Variants in SORBS2 observed in about 807,000 individuals in gnomAD.
SORBS2 encodes the protein sorbin and SH3 domain-containing protein 2.
Under a neutral mutation model 97.7 loss-of-function variants are expected in SORBS2, and 46 were observed. The observed-to-expected ratio is 0.47, with a 90% confidence interval of 0.37 to 0.60. The LOEUF (loss-of-function observed/expected upper bound fraction) is 0.60, where lower values mean the gene tolerates loss of function less well. SORBS2 is among the 20% of genes least tolerant of loss of function. The pLI is 0.00. For missense variants in SORBS2, 1,316 were observed against 1,282.3 expected, an observed-to-expected ratio of 1.03 and a Z score of -0.40; for synonymous variants, 476 against 473.4, an observed-to-expected ratio of 1.01 and a Z score of -0.07.
chr4:185,878,905 G>T (rs2099235154), intron 1 of SORBS2, among the ~76,000 whole-genome samples: 1 of 152,152 alleles, frequency 6.6e-6, no homozygotes. Flanking sequence ...CCTGTCCCTT[G>T]GTTAGACCAA....
intron 5 of SORBS2, among the ~76,000 whole-genome samples, chr4:185,629,214 C>T (rs1273772343): frequency 6.6e-6 from 1 of 152,124 alleles, no homozygotes. Context: ...GGATGCATCT[C>T]CTAGACCTGT....
chr4:185,868,452 A>G (rs770451134), intron 1 of SORBS2, among the ~76,000 whole-genome samples: 15 of 151,392 alleles, frequency 9.9e-5, no homozygotes, highest in South Asian at 4.1e-4. Flanking sequence ...CACCGTGCCC[A>G]GCCGAAAGCT....
intron 2 of SORBS2, among the ~76,000 whole-genome samples, chr4:185,723,705 C>CT (rs1192844968): frequency 5.3e-5 from 8 of 152,076 alleles, no homozygotes; most frequent in African/African-American, 1.7e-4. Context: ...TGTAATGTTT[C>CT]TTTTTTAAAG....
chr4:185,806,602 C>T (rs11132354), intron 1 of SORBS2, among the ~76,000 whole-genome samples: 71,469 of 148,038 alleles, frequency 0.48, 17,564 homozygotes, highest in East Asian at 0.61. Context: ...GGACTACAGG[C>T]GCCCGCCACT....
intron 4 of SORBS2, chr4:185,676,948 T>G: frequency 6.8e-7 from 1 of 1,480,432 alleles, no homozygotes; most frequent in Non-Finnish European, 9.1e-7. Flanking sequence ...AGTTAGGGTC[T>G]CTACGATACG....
At chr4:185,889,025 C>T (rs1579336827) in intron 1 of SORBS2, among the ~76,000 whole-genome samples, 1 of 152,326 alleles carries the variant, frequency 6.6e-6, no homozygotes. Flanking sequence ...GTGAGGCGAT[C>T]GGGGCTGAGT....
chr4:185,832,973 AGTGAT>A (rs2099205923), intron 1 of SORBS2, among the ~76,000 whole-genome samples: 2 of 152,186 alleles, frequency 1.3e-5, no homozygotes, highest in African/African-American at 4.8e-5. Flanking sequence ...CTTTTCTTCT[AGTGAT>A]GGCAGAAACC....
intron 1 of SORBS2, among the ~76,000 whole-genome samples, chr4:185,807,217 A>G (rs951777368): frequency 1.3e-5 from 2 of 152,192 alleles, no homozygotes; most frequent in Admixed American, 6.5e-5. Flanking sequence ...ATATATAAAG[A>G]GAAATTAGAA....
chr4:185,695,931 A>C, intron 2 of SORBS2, among the ~76,000 whole-genome samples: 1 of 152,214 alleles, frequency 6.6e-6, no homozygotes, highest in Non-Finnish European at 1.5e-5. Context: ...ACAAGTCAAC[A>C]GTAGCGGCAT....
chr4:185,710,856 A>G (rs2098413514), intron 2 of SORBS2, among the ~76,000 whole-genome samples: 1 of 152,220 alleles, frequency 6.6e-6, no homozygotes, highest in Admixed American at 6.5e-5. Context: ...CCCGGTAAAC[A>G]CCGATGTGCT....
chr4:185,702,094 C>T (rs1055183058), intron 2 of SORBS2, among the ~76,000 whole-genome samples: 2 of 152,116 alleles, frequency 1.3e-5, no homozygotes, highest in African/African-American at 4.8e-5. Flanking sequence ...GTGGGAGAAG[C>T]CACTTTAGAA....
intron 1 of SORBS2, among the ~76,000 whole-genome samples, chr4:185,781,797 G>C (rs1467601643): frequency 6.6e-6 from 1 of 152,256 alleles, no homozygotes; most frequent in Non-Finnish European, 1.5e-5. Context: ...CCTGCCCAGT[G>C]GCGAATGCCA....
intron 2 of SORBS2, among the ~76,000 whole-genome samples, chr4:185,745,202 G>C (rs2098752606): frequency 6.6e-6 from 1 of 152,164 alleles, no homozygotes; most frequent in African/African-American, 2.4e-5. Context: ...ATGCTGCAAA[G>C]ATGCCCGAGC....
At chr4:185,644,714 C>T (rs572044999) in intron 4 of SORBS2, among the ~76,000 whole-genome samples, 58 of 152,274 alleles carry the variant, frequency 3.8e-4, no homozygotes, top group Admixed American at 9.8e-4. Context: ...CTAATTACAG[C>T]GCCTGGCATA....
At chr4:185,702,620 T>C (rs1303200370) in intron 2 of SORBS2, among the ~76,000 whole-genome samples, 1 of 151,782 alleles carries the variant, frequency 6.6e-6, no homozygotes, top group Non-Finnish European at 1.5e-5. Flanking sequence ...AACCTATGTT[T>C]TAGGGGACTT....
At chr4:185,731,848 CTCTCTCTCTCTCTCTCTCTATATATA>C (rs1443921777) in intron 2 of SORBS2, among the ~76,000 whole-genome samples, 2 of 30,704 alleles carry the variant, frequency 6.5e-5, no homozygotes, top group Admixed American at 3.5e-4. Flanking sequence ...CTCTCTCTCT[CTCTCTCTCTCTCTCTCTCTATATATA>C]TATATATATA....
rs1247354712 is a variant in SORBS2 at position 185,607,045 on chromosome 4, G to A, written c.2796+4735C>T. 7.8e-6 allele frequency: 8 copies of A among 1,026,162 alleles called. No homozygotes were observed. The highest frequency in any genetic ancestry group is 9.4e-6 in the Non-Finnish European group (8 of 854,232). 63.6% of individuals were successfully genotyped at this position (1,026,162 alleles called of 1,614,324 possible). A position where few individuals can be genotyped will look rare whatever the true frequency, so the allele number is the denominator to read the frequency against. ...GGCCACACCCGCGTGAGTGGAAGGT[G>A]ATTCGGCAGGTGCAGTCGCTGGGGA... On this transcript the variant is annotated intron_variant, in intron 12 of 14. Transcript: ENST00000418609. This position sits in a 1 kb window ranked among gnomAD's most constrained non-coding sequence, Gnocchi z 5.2.
chr4:185,870,999 A>G (rs2099230125), intron 1 of SORBS2, among the ~76,000 whole-genome samples: 1 of 152,182 alleles, frequency 6.6e-6, no homozygotes, highest in Admixed American at 6.5e-5. Context: ...GGCAAGTTTC[A>G]GGGAGTCAGA....
chr4:185,911,049 A>G (rs1209475815), intron 1 of SORBS2, among the ~76,000 whole-genome samples: 1 of 152,240 alleles, frequency 6.6e-6, no homozygotes, highest in Non-Finnish European at 1.5e-5. Flanking sequence ...GCAGGTGTTA[A>G]CAACTTCCAT....
Sources: gnomAD v4.1 joint callset for allele counts (sites outside exome capture counted in the v4.1 genomes callset) on GRCh38, gnomAD v4.1.1 for gene constraint, Gnocchi (gnomAD v3.1) non-coding constraint, MANE v1.5 for transcripts, NCBI Gene and HGNC (gene_info 2026-07-23, HGNC 2026-07-21) for gene names.